ADAMTS9: variants seen among roughly 807,000 people sequenced by gnomAD.
ADAMTS9 encodes A disintegrin and metalloproteinase with thrombospondin motifs 9.
In ADAMTS9, 107 loss-of-function variants were observed where a neutral mutation model predicts 257.1. The observed-to-expected ratio is 0.42, with a 90% CI of 0.36 to 0.49. The LOEUF (loss-of-function observed/expected upper bound fraction) is 0.49, where lower values mean the gene tolerates loss of function less well. ADAMTS9 is among the 20% of genes least tolerant of loss of function. The pLI is 0.03. For synonymous variants in ADAMTS9, 982 were observed against 880.9 expected (o/e 1.11, Z -2.03); for missense variants, 2,353 against 2,469.1 (o/e 0.95, Z 1.00).
chr3:64,675,707 G>A (rs1701608556), intron 3 of ADAMTS9, among the ~76,000 whole-genome samples: 1 of 152,186 alleles, frequency 6.6e-6, no homozygotes. Context: ...ATAGCACATT[G>A]GAAATAGATT....
intron 39 of ADAMTS9, among the ~76,000 whole-genome samples, chr3:64,521,141 T>C (rs1160858226): frequency 1.3e-5 from 2 of 152,066 alleles, no homozygotes; most frequent in Non-Finnish European, 2.9e-5. Context: ...GCAAAGGACA[T>C]GGACAGACAC....
intron 22 of ADAMTS9, among the ~76,000 whole-genome samples, chr3:64,608,328 G>A (rs2084601038): frequency 7.0e-6 from 1 of 142,988 alleles, no homozygotes; most frequent in African/African-American, 2.6e-5. Flanking sequence ...ATGAAATACA[G>A]AGTAGAAGAA....
At chr3:64,676,724 C>T (rs1701632992) in intron 3 of ADAMTS9, among the ~76,000 whole-genome samples, 1 of 152,176 alleles carries the variant, frequency 6.6e-6, no homozygotes, top group Non-Finnish European at 1.5e-5. Context: ...CTATAATAAA[C>T]AACACTGTAC....
intron 28 of ADAMTS9, among the ~76,000 whole-genome samples, chr3:64,580,852 A>G (rs2083980301): frequency 6.6e-6 from 1 of 152,194 alleles, no homozygotes; most frequent in African/African-American, 2.4e-5. Context: ...ACTGGTTTCT[A>G]TTCAGGCTTG....
chr3:64,549,415 C>T (rs2083242363), intron 31 of ADAMTS9, among the ~76,000 whole-genome samples: 1 of 152,060 alleles, frequency 6.6e-6, no homozygotes, highest in African/African-American at 2.4e-5. Context: ...AGGTGAGATC[C>T]CCCTGCGTTG....
chr3:64,677,879 T>C (rs1370065841), intron 3 of ADAMTS9, among the ~76,000 whole-genome samples: 1 of 152,226 alleles, frequency 6.6e-6, no homozygotes, highest in Non-Finnish European at 1.5e-5. Flanking sequence ...CACGCATGAA[T>C]GAAGAAACGG....
At chr3:64,678,576 G>T (rs989737960) in intron 3 of ADAMTS9, among the ~76,000 whole-genome samples, 2 of 152,134 alleles carry the variant, frequency 1.3e-5, no homozygotes, top group Non-Finnish European at 2.9e-5. Context: ...GGTCACTTTT[G>T]GTTACCAACC....
At chr3:64,520,365 C>T (rs1046833482) in intron 39 of ADAMTS9, among the ~76,000 whole-genome samples, 1 of 152,062 alleles carries the variant, frequency 6.6e-6, no homozygotes, top group Non-Finnish European at 1.5e-5. Flanking sequence ...CCATACTGCC[C>T]AAAGAAATAC....
At chr3:64,603,395 G>C (rs567390250) in intron 25 of ADAMTS9, among the ~76,000 whole-genome samples, 36 of 146,798 alleles carry the variant, frequency 2.5e-4, no homozygotes, top group Admixed American at 1.4e-3. Flanking sequence ...ACAAGAAGCT[G>C]CCTAAAGATA....
rs561600616 is a variant in ADAMTS9, at chr3:64,522,510, A to C, written c.5719-250T>G. On this transcript the variant is annotated intron_variant, in intron 38 of 39. Transcript: ENST00000498707. ...TTTTTATATTTTTAAATAATTGAGA[A>C]AAAGTAAACCAAAAATTACATTTCT... 90 of 331,458 alleles carry C rather than the reference A, an allele frequency of 2.7e-4. No individual in the cohort carries two copies. In the South Asian group the frequency reaches 6.7e-3, roughly 25 times the overall value. 20.5% of individuals were successfully genotyped at this position (331,458 alleles called of 1,614,324 possible).
rs1348959117 is a variant in ADAMTS9, at chr3:64,602,217, G to A, written c.3748-4C>T. On this transcript the variant is annotated splice_region_variant and splice_polypyrimidine_tract_variant and intron_variant, in intron 25 of 39. Coordinates refer to ENST00000498707, the MANE Select transcript of ADAMTS9 (RefSeq NM_182920.2). ...CTTGCCCACAGGTCACAGAGCACTA[G>A]GTTGAATGTTCAGAAAGAGAAAGGG... 4 of 1,612,954 alleles carry A rather than the reference G, an allele frequency of 2.5e-6. No individual in the cohort carries two copies. The highest frequency in any genetic ancestry group is 1.1e-5 in the South Asian group (1 of 90,972).
chr3:64,686,653 T>C lies in ADAMTS9; in HGVS notation c.431A>G (p.Glu144Gly), dbSNP rs1332695106. Residue 144 changes from glutamate (E) to glycine (G), a missense_variant, in exon 2 of 40, where the codon GAA becomes GGA. Around this residue, in one of 3 missense-constraint regions of ADAMTS9, gnomAD observed 591 missense variants for 569.6 expected, o/e 1.04. Transcript: ENST00000498707. The surrounding 1 kb of genome is among the most constrained non-coding windows in gnomAD (Gnocchi z 4.6). ...GTAGAAACAGTGCTTGAGTTCCGCT[T>C]CCTCTTCGGAATAAAACTTGGTCTG... ...VNQTKFYSEE[E>G]AELKHCFYKG... 6.2e-7 allele frequency: 1 copy of C among 1,614,128 alleles called. No homozygotes were observed. Among genetic ancestry groups the C allele is most frequent in the African/African-American group, 1.3e-5 (1 of 75,024 alleles).
chr3:64,654,477 C>A lies in ADAMTS9; in HGVS notation c.1211-19G>T, dbSNP rs376981893. On this transcript the variant is annotated intron_variant, in intron 7 of 39. Transcript: ENST00000498707. ...GCCAGGCCTATTAGAAGGAAAAAAA[C>A]CAACAAGGATTTACTCTAAAAAGCA... The A allele has an allele frequency of 1.0e-3, 1,638 of 1,613,018 alleles. 3 individuals are homozygous for A. Among genetic ancestry groups the A allele is most frequent in the Non-Finnish European group, 1.2e-3 (1,398 of 1,179,670 alleles).
chr3:64,686,591 C>A lies in ADAMTS9; in HGVS notation c.493G>T (p.Val165Phe). ...ACCATTCCTGAGCAGAGGCTGATGA[C>A]GGCCGTGTGCTCGGAGTTGGTATTG... ...YVNTNSEHTA[V>F]ISLCSGMLGT... The change falls in exon 2 of 40, where the codon GTC (valine) becomes TTC (phenylalanine). Residue 165 changes from valine (V) to phenylalanine (F), a missense_variant. Physicochemically the swap from Val to Phe is conservative, Grantham distance 50. Transcript: ENST00000498707. This position sits in a 1 kb window ranked among gnomAD's most constrained non-coding sequence, Gnocchi z 4.6. 3 of 1,611,896 alleles carry A rather than the reference C, an allele frequency of 1.9e-6. No homozygotes were observed. The highest frequency in any genetic ancestry group is 2.5e-6 in the Non-Finnish European group (3 of 1,179,054).
At chr3:64,565,883 A>C (rs955144716) in intron 29 of ADAMTS9, 1 of 152,224 alleles carries the variant, frequency 6.6e-6, no homozygotes, top group African/African-American at 2.4e-5. Flanking sequence ...GATTTTCTTT[A>C]CAAATTCAAG....
chr3:64,571,288 T>C (rs1269667070), intron 28 of ADAMTS9, among the ~76,000 whole-genome samples: 2 of 152,196 alleles, frequency 1.3e-5, no homozygotes, highest in Admixed American at 6.5e-5. Context: ...GTAATAGAGA[T>C]AGGTACTATT....
intron 38 of ADAMTS9, among the ~76,000 whole-genome samples, chr3:64,529,260 A>C (rs2106884622): frequency 6.6e-6 from 1 of 152,358 alleles, no homozygotes; most frequent in African/African-American, 2.4e-5. Flanking sequence ...CTTGATATTG[A>C]GACTGATTTT....
chr3:64,642,696 G>A (rs1700681475), intron 11 of ADAMTS9, among the ~76,000 whole-genome samples: 1 of 152,232 alleles, frequency 6.6e-6, no homozygotes, highest in Admixed American at 6.5e-5. Context: ...CCATTGTTGG[G>A]GTGTGAAGCC....
intron 29 of ADAMTS9, among the ~76,000 whole-genome samples, chr3:64,566,639 A>C (rs2083552044): frequency 6.6e-6 from 1 of 152,230 alleles, no homozygotes; most frequent in Middle Eastern, 3.2e-3. Context: ...AAAGAGCAAA[A>C]GATTCTTTTA....
Sources: allele counts gnomAD v4.1 joint callset (sites outside exome capture counted in the v4.1 genomes callset), GRCh38; gene constraint gnomAD v4.1.1; regional missense constraint gnomAD v4.1.1; non-coding constraint Gnocchi (gnomAD v3.1); transcripts MANE v1.5; gene names NCBI Gene and HGNC (gene_info 2026-07-23, HGNC 2026-07-21).